The following STOX1 variants were observed in gnomAD, a reference collection of about 807,000 sequenced individuals.
The protein encoded by STOX1 is storkhead-box protein 1.
In STOX1, 57 loss-of-function variants were observed where a neutral mutation model predicts 74.8. The ratio of observed to expected loss-of-function variants is 0.76; its 90% CI spans 0.62 to 0.95. The LOEUF (loss-of-function observed/expected upper bound fraction) is 0.95. Ranked by LOEUF, STOX1 falls within the 40% of genes least tolerant of loss-of-function variation. The pLI is 0.00. For synonymous variants in STOX1, 375 were observed against 401.3 expected (o/e 0.93, Z 0.78); for missense variants, 1,010 against 1,117.0 (o/e 0.90, Z 1.37).
chr10:68,859,003 C>G (rs1029556394), intron 1 of STOX1, among the ~76,000 whole-genome samples: 3 of 152,112 alleles, frequency 2.0e-5, no homozygotes, highest in Admixed American at 2.0e-4. Flanking sequence ...GGCTTCGTCA[C>G]CTCCACACCA....
intron 1 of STOX1, among the ~76,000 whole-genome samples, chr10:68,832,154 C>T (rs1000925216): frequency 2.3e-4 from 35 of 152,232 alleles, no homozygotes; most frequent in African/African-American, 8.4e-4. Flanking sequence ...TGCTGCCTAA[C>T]CAGCTGAGCC....
intron 1 of STOX1, among the ~76,000 whole-genome samples, chr10:68,833,152 C>T (rs1839455037): frequency 7.3e-6 from 1 of 137,782 alleles, no homozygotes; most frequent in African/African-American, 2.8e-5. Context: ...GTGGTGTGAT[C>T]TCAGCTCACT....
chr10:68,834,969 C>A (rs1839506782), intron 1 of STOX1, among the ~76,000 whole-genome samples: 1 of 152,054 alleles, frequency 6.6e-6, no homozygotes, highest in Non-Finnish European at 1.5e-5. Flanking sequence ...GGTTATCCAT[C>A]TGCGTTGGCC....
chr10:68,888,627 ATTTTTTTTTT>A (rs747038041), intron 3 of STOX1, among the ~76,000 whole-genome samples: 1 of 107,820 alleles, frequency 9.3e-6, no homozygotes, highest in Admixed American at 1.0e-4. Flanking sequence ...CTTTGCCAGT[ATTTTTTTTTT>A]TTTTTTTTTT....
chr10:68,827,632 G>A lies in STOX1; in HGVS notation c.9G>A (p.Arg3=). Residue 3 remains arginine, a synonymous_variant, in exon 1 of 4, where the codon CGG becomes CGA. Transcript: ENST00000298596. ...CGGCCGCCGGCGAAAGCATGGCCCG[G>A]CCCGTGCAGCTGGCGCCGGGCTCGC... MA[R]PVQLAPGSLA... 2.6e-6 allele frequency: 3 copies of A among 1,147,892 alleles called. No individual in the cohort carries two copies. Among genetic ancestry groups the A allele is most frequent in the Non-Finnish European group, 2.1e-6 (2 of 934,026 alleles). 71.1% of individuals were successfully genotyped at this position (1,147,892 alleles called of 1,614,324 possible).
rs115974193 is a variant in STOX1 at position 68,856,018 on chromosome 10, A to G, written c.311-25940A>G. Among the ~76,000 whole-genome samples the G allele has an allele frequency of 7.5e-3, 1,139 of 152,152 alleles. 17 individuals carry two copies. Among genetic ancestry groups the G allele is most frequent in the African/African-American group, 0.026 (1,078 of 41,462 alleles). The stretch of plus-strand genomic sequence containing the variant: ...CTGTGACCAGAGCTGTCAGTCAGAA[A>G]TGGTGTACTCAGCAGTCAGTCTGAA... On this transcript the variant is annotated intron_variant, in intron 1 of 3. Transcript: ENST00000298596.
chr10:68,843,237 C>T (rs960838017), intron 1 of STOX1, among the ~76,000 whole-genome samples: 1 of 151,898 alleles, frequency 6.6e-6, no homozygotes, highest in African/African-American at 2.4e-5. Context: ...TCACTCTGTT[C>T]CCCAGACTGG....
At chr10:68,871,043 G>A (rs1302679515) in intron 1 of STOX1, among the ~76,000 whole-genome samples, 3 of 152,202 alleles carry the variant, frequency 2.0e-5, no homozygotes, top group African/African-American at 7.2e-5. Flanking sequence ...ACTGAATAAA[G>A]TCATGAACAT....
At chr10:68,841,667 AGT>A (rs1839695277) in intron 1 of STOX1, among the ~76,000 whole-genome samples, 1 of 152,160 alleles carries the variant, frequency 6.6e-6, no homozygotes, top group Non-Finnish European at 1.5e-5. Context: ...TTCCTAGTTC[AGT>A]GTGTTTGGAT....
chr10:68,895,200 T>C (rs1169705786), downstream of STOX1: 1 of 152,242 alleles, frequency 6.6e-6, no homozygotes. Flanking sequence ...TTTTGAAGAA[T>C]CCTTCCAACT....
intron 1 of STOX1, among the ~76,000 whole-genome samples, chr10:68,878,988 C>T (rs1840745423): frequency 6.6e-6 from 1 of 152,212 alleles, no homozygotes; most frequent in Admixed American, 6.5e-5. Context: ...CTCAGACCTG[C>T]AGTGTGAACA....
chr10:68,872,013 T>A (rs905091145), intron 1 of STOX1, among the ~76,000 whole-genome samples: 48 of 152,314 alleles, frequency 3.2e-4, no homozygotes, highest in East Asian at 1.2e-3. Context: ...CCTTTTTTTT[T>A]AAATTAAACT....
chr10:68,882,115 A>C lies in STOX1; in HGVS notation c.463+5A>C. ...GTTTGATGAAACATTACCCAGGTAG[A>C]GTAATAAATTTTTGTCTATTTGTAC... On this transcript the variant is annotated splice_donor_5th_base_variant and intron_variant, in intron 2 of 3. Transcript: ENST00000298596. 1.2e-6 allele frequency: 2 copies of C among 1,613,552 alleles called. No individual in the cohort carries two copies. Among genetic ancestry groups the C allele is most frequent in the Non-Finnish European group, 1.7e-6 (2 of 1,179,576 alleles).
chr10:68,828,600 T>A (rs1349588976), intron 1 of STOX1, among the ~76,000 whole-genome samples: 1 of 152,188 alleles, frequency 6.6e-6, no homozygotes, highest in African/African-American at 2.4e-5. Context: ...ATAGAGAGGC[T>A]TTGGGCTAGG....
At chr10:68,838,058 C>CG (rs1564569642) in intron 1 of STOX1, among the ~76,000 whole-genome samples, 2 of 144,268 alleles carry the variant, frequency 1.4e-5, no homozygotes, top group African/African-American at 5.1e-5. Context: ...CATTTCGTTT[C>CG]TTTTTTTTTT....
rs1271164879 is a variant in STOX1, at chr10:68,885,846, G to T, written c.2050G>T (p.Ala684Ser). Residue 684 changes from alanine (A) to serine (S), a missense_variant, in exon 3 of 4, where the codon GCT (alanine) becomes TCT (serine). Ala to Ser is a moderately conservative substitution (Grantham distance 99, BLOSUM62 1). Transcript: ENST00000298596. ...YPVGVNPLRQAARQDKDSEEL... is the reference protein window; with the variant it reads ...YPVGVNPLRQSARQDKDSEEL... ...AGTTGGCGTGAACCCTTTAAGACAA[G>T]CTGCAAGACAAGACAAAGACTCAGA... is the stretch of plus-strand genomic sequence containing the variant. 1 of 1,614,040 alleles carries T rather than the reference G, an allele frequency of 6.2e-7. No homozygotes were observed. Among genetic ancestry groups the T allele is most frequent in the African/African-American group, 1.3e-5 (1 of 75,034 alleles).
rs573827419 is a variant in STOX1 at position 68,859,686 on chromosome 10, C to T, written c.311-22272C>T. ...CCTTGGCTAGGTATTTTGGTTAGAG[C>T]GGTGTTTTGTTGCAGATTGTAGAAA... On this transcript the variant is annotated intron_variant, in intron 1 of 3. Transcript: ENST00000298596. Among the ~76,000 whole-genome samples the T allele has an allele frequency of 4.6e-5, 7 of 151,972 alleles. No homozygotes were observed. In the East Asian group the frequency reaches 5.8e-4, roughly 13 times the overall value.
At chr10:68,860,460 C>T (rs1840237457) in intron 1 of STOX1, among the ~76,000 whole-genome samples, 1 of 149,812 alleles carries the variant, frequency 6.7e-6, no homozygotes, top group Admixed American at 6.7e-5. Flanking sequence ...ATCCCAGCTA[C>T]TCTGAAGGCT....
At position 68,827,568 on chromosome 10, in the gene STOX1, T is replaced by C. The variant is rs1431584773; in HGVS notation, c.-56T>C. 4.7e-6 allele frequency: 5 copies of C among 1,071,078 alleles called. No individual in the cohort carries two copies. The African/African-American group carries it at 5.1e-5, about 11-fold the overall frequency. 66.3% of individuals were successfully genotyped at this position (1,071,078 alleles called of 1,614,324 possible). On this transcript the variant is annotated 5_prime_UTR_variant, in exon 1 of 4. Coordinates refer to ENST00000298596, the MANE Select transcript of STOX1 (RefSeq NM_152709.5). ...TCCTCCCGCCGAGCGAGCGGCGTCG[T>C]AGCCGCCGCGCTCGCCGAGGCCCTG...
Sources: allele counts gnomAD v4.1 joint callset (sites outside exome capture counted in the v4.1 genomes callset), GRCh38; gene constraint gnomAD v4.1.1; transcripts MANE v1.5; gene names NCBI Gene and HGNC (gene_info 2026-07-23, HGNC 2026-07-21).